The following B3GALT5 variants were observed in gnomAD, a reference collection of about 807,000 sequenced individuals.
B3GALT5 encodes the protein beta-1,3-galactosyltransferase 5.
For missense variants in B3GALT5, 328 were observed against 396.6 expected (o/e 0.83, Z 1.47); for synonymous variants, 156 against 158.6 (o/e 0.98, Z 0.12).
At position 39,667,324 on chromosome 21, in the gene B3GALT5, G is replaced by A. The variant is rs949291777; in HGVS notation, c.*5832G>A. 6.6e-6 allele frequency: 1 copy of A among 152,180 alleles called. No homozygotes were observed. The highest frequency in any genetic ancestry group is 1.5e-5 in the Non-Finnish European group (1 of 68,032). The allele number at this position is 152,180 out of a possible 1,614,324, so 9.4% of individuals were successfully genotyped here. ...TGGCACAGAGGGCTGAAATGGACTTGGAAAGCCAAATAATTAATTTTCATG... is the reference window on the plus strand; with the variant it reads ...TGGCACAGAGGGCTGAAATGGACTTAGAAAGCCAAATAATTAATTTTCATG... On this transcript the variant is annotated 3_prime_UTR_variant, in exon 4 of 4. Coordinates refer to ENST00000684187, the MANE Select transcript of B3GALT5 (RefSeq NM_001356336.2).
In B3GALT5 at chr21:39,618,726, G is replaced by A. The variant is rs139104710; in HGVS notation, c.-392+5659G>A. Among the ~76,000 whole-genome samples the A allele has an allele frequency of 2.4e-3, 372 of 151,880 alleles. 2 individuals are homozygous for A. The highest frequency in any genetic ancestry group is 0.01 in the Middle Eastern group (3 of 290). ...AATATACATTGCAAATATCTACTCC[G>A]TCTGTGTCTTGTATTTTTACATTTT... On this transcript the variant is annotated intron_variant, in intron 1 of 3. Transcript: ENST00000684187.
At chr21:39,617,940 C>A (rs924021913) in intron 1 of B3GALT5, among the ~76,000 whole-genome samples, 2 of 151,756 alleles carry the variant, frequency 1.3e-5, no homozygotes, top group Non-Finnish European at 2.9e-5. Flanking sequence ...GAGTTTGATA[C>A]CAGCCTGGGC....
chr21:39,651,923 A>G (rs1050685506), intron 2 of B3GALT5, among the ~76,000 whole-genome samples: 7 of 152,176 alleles, frequency 4.6e-5, no homozygotes, highest in African/African-American at 1.7e-4. Context: ...GTTTTGTATT[A>G]TACATGTAAA....
rs990445746 is a variant in B3GALT5 at position 39,669,229 on chromosome 21, G to T, written c.*7737G>T. ...ATGTGAAAATCTGAATGAGGTAAAA[G>T]AAGTTGGAGCTGGAAGATGCCTTAG... On this transcript the variant is annotated 3_prime_UTR_variant, in exon 4 of 4. Coordinates refer to ENST00000684187, the MANE Select transcript of B3GALT5 (RefSeq NM_001356336.2). 9.2e-5 allele frequency: 14 copies of T among 152,112 alleles called. No homozygotes were observed. The highest frequency in any genetic ancestry group is 3.4e-4 in the African/African-American group (14 of 41,414). 9.4% of individuals were successfully genotyped at this position (152,112 alleles called of 1,614,324 possible). A position where few individuals can be genotyped will look rare whatever the true frequency, so the allele number is the denominator to read the frequency against.
chr21:39,615,149 C>G (rs2079100966), intron 1 of B3GALT5, among the ~76,000 whole-genome samples: 1 of 152,144 alleles, frequency 6.6e-6, no homozygotes, highest in African/African-American at 2.4e-5. Flanking sequence ...CCAGGTAAGT[C>G]CTTGGACTTG....
chr21:39,627,342 A>G (rs1437409601), intron 1 of B3GALT5, among the ~76,000 whole-genome samples: 2 of 152,192 alleles, frequency 1.3e-5, no homozygotes, highest in Non-Finnish European at 2.9e-5. Flanking sequence ...ATCTTTGCCC[A>G]TGAACTCACT....
intron 1 of B3GALT5, among the ~76,000 whole-genome samples, chr21:39,623,241 C>CCCTTCCTT (rs1182848314): frequency 0.046 from 819 of 17,744 alleles, 90 homozygotes; most frequent in East Asian, 0.11. Context: ...CTCCCTCCCT[C>CCCTTCCTT]CCTTCCTTCC....
chr21:39,614,657 C>G (rs1028746553), intron 1 of B3GALT5, among the ~76,000 whole-genome samples: 1 of 152,194 alleles, frequency 6.6e-6, no homozygotes, highest in East Asian at 1.9e-4. Context: ...GCAGAGGACA[C>G]GAAGGTGTAG....
intron 1 of B3GALT5, among the ~76,000 whole-genome samples, chr21:39,630,913 G>T (rs1275356179): frequency 1.3e-5 from 2 of 152,038 alleles, no homozygotes; most frequent in Non-Finnish European, 2.9e-5. Flanking sequence ...AATAAAAATC[G>T]ATTGGGGGAA....
At position 39,669,218 on chromosome 21, in the gene B3GALT5, A is replaced by G. The variant is rs1186503223; in HGVS notation, c.*7726A>G. ...TAATTCAGAATATGTGAAAATCTGA[A>G]TGAGGTAAAAGAAGTTGGAGCTGGA... On this transcript the variant is annotated 3_prime_UTR_variant, in exon 4 of 4. Transcript: ENST00000684187. The G allele has an allele frequency of 6.6e-6, 1 of 152,218 alleles. No homozygotes were observed. Among genetic ancestry groups the G allele is most frequent in the Non-Finnish European group, 1.5e-5 (1 of 68,042 alleles). The allele number at this position is 152,218 out of a possible 1,614,324, so 9.4% of individuals were successfully genotyped here. A position where few individuals can be genotyped will look rare whatever the true frequency, so the allele number is the denominator to read the frequency against.
rs1196309040 is a variant in B3GALT5 at position 39,666,571 on chromosome 21, G to A, written c.*5079G>A. On this transcript the variant is annotated 3_prime_UTR_variant, in exon 4 of 4. Transcript: ENST00000684187. ...AGCCTCCCAGAGTGCTGGGATTATA[G>A]GTGTGAGCCACCACACCCAGCCATG... The A allele has an allele frequency of 6.6e-6, 1 of 152,270 alleles. No homozygotes were observed. The highest frequency in any genetic ancestry group is 2.4e-5 in the African/African-American group (1 of 41,418). The allele number at this position is 152,270 out of a possible 1,614,324, so 9.4% of individuals were successfully genotyped here.
chr21:39,637,342 C>G (rs776990979), intron 1 of B3GALT5, among the ~76,000 whole-genome samples: 1 of 152,214 alleles, frequency 6.6e-6, no homozygotes, highest in Non-Finnish European at 1.5e-5. Context: ...GATCTGTGTG[C>G]GTTCCCTCTC....
rs2079254599 is a variant in B3GALT5, at chr21:39,639,288, C to CTCGCTCTTTCTTTCTT, written c.-391-7102_-391-7101insGCTCTTTCTTTCTTTC. On this transcript the variant is annotated intron_variant, in intron 1 of 3. Coordinates refer to ENST00000684187, the MANE Select transcript of B3GALT5 (RefSeq NM_001356336.2). The stretch of plus-strand genomic sequence containing the variant: ...CTTGCAAGCAGCTTCAGGCATCTGG[C>CTCGCTCTTTCTTTCTT]TCTTTCTTTCTTTCTTTCTTTCTTT... 6.1e-5 allele frequency among the ~76,000 whole-genome samples: 6 copies of CTCGCTCTTTCTTTCTT among 98,522 alleles called. No individual in the cohort carries two copies. In the East Asian group the frequency reaches 1.4e-3, roughly 23 times the overall value. The allele number at this position is 98,522 out of a possible 152,430, so 64.6% of individuals were successfully genotyped here.
intron 1 of B3GALT5, among the ~76,000 whole-genome samples, chr21:39,638,966 G>A (rs577757093): frequency 6.3e-4 from 96 of 152,218 alleles, no homozygotes; most frequent in Non-Finnish European, 9.1e-4. Flanking sequence ...ATTGCATGCT[G>A]ACTGAAGCCA....
rs1209741303 is a variant in B3GALT5 at position 39,671,816 on chromosome 21, CT to C, written c.*10325del. The C allele has an allele frequency of 1.3e-5, 2 of 152,294 alleles. No individual in the cohort carries two copies. Among genetic ancestry groups the C allele is most frequent in the African/African-American group, 4.8e-5 (2 of 41,558 alleles). 9.4% of individuals were successfully genotyped at this position (152,294 alleles called of 1,614,324 possible). On this transcript the variant is annotated 3_prime_UTR_variant, in exon 4 of 4. Coordinates refer to ENST00000684187, the MANE Select transcript of B3GALT5 (RefSeq NM_001356336.2). ...GCATGAATTTCTGTCTGTTTTCCTG[CT>C]GTTGAAATCTGAGTGCTAGGAACGG... is the stretch of plus-strand genomic sequence containing the variant.
chr21:39,661,489 C>G lies in B3GALT5; in HGVS notation c.930C>G (p.Val310=). ...ENSRGEDCPP[V] ...CCCGGGGGGAAGATTGTCCGCCTGTCTGAGGGGAGCCCAGAGGCACATCCG... is the reference window on the plus strand; with the variant it reads ...CCCGGGGGGAAGATTGTCCGCCTGTGTGAGGGGAGCCCAGAGGCACATCCG... Residue 310 remains valine, a synonymous_variant, in exon 4 of 4, where the codon GTC becomes GTG. Transcript: ENST00000684187. This position sits in a 1 kb window ranked among gnomAD's most constrained non-coding sequence, Gnocchi z 4.7. 6.6e-7 allele frequency: 1 copy of G among 1,505,756 alleles called. No individual in the cohort carries two copies. Among genetic ancestry groups the G allele is most frequent in the South Asian group, 1.4e-5 (1 of 71,596 alleles). 93.3% of individuals were successfully genotyped at this position (1,505,756 alleles called of 1,614,324 possible). A position where few individuals can be genotyped will look rare whatever the true frequency, so the allele number is the denominator to read the frequency against.
Position 39,671,455 on chromosome 21 carries a change from T to C in B3GALT5, c.*9963T>C, listed in dbSNP as rs1216873301. 6.6e-6 allele frequency: 1 copy of C among 152,116 alleles called. No individual in the cohort carries two copies. The highest frequency in any genetic ancestry group is 2.4e-5 in the African/African-American group (1 of 41,430). The allele number at this position is 152,116 out of a possible 1,614,324, so 9.4% of individuals were successfully genotyped here. A position where few individuals can be genotyped will look rare whatever the true frequency, so the allele number is the denominator to read the frequency against. ...GAGTAGATACTTGATAATTATCTAT[T>C]GGGTTCTCAGGGGATCTCTCAAAGG... On this transcript the variant is annotated 3_prime_UTR_variant, in exon 4 of 4. Coordinates refer to ENST00000684187, the MANE Select transcript of B3GALT5 (RefSeq NM_001356336.2).
chr21:39,627,528 A>T (rs1423816151), intron 1 of B3GALT5, among the ~76,000 whole-genome samples: 2 of 152,052 alleles, frequency 1.3e-5, no homozygotes, highest in African/African-American at 4.8e-5. Context: ...GGTTTTGCTC[A>T]TGTATTCAGT....
At chr21:39,627,209 T>C (rs192531960) in intron 1 of B3GALT5, among the ~76,000 whole-genome samples, 9 of 152,332 alleles carry the variant, frequency 5.9e-5, no homozygotes, top group African/African-American at 2.2e-4. Context: ...CTGACACTGG[T>C]GACTATCCTT....
Sources: gnomAD v4.1 joint callset for allele counts (sites outside exome capture counted in the v4.1 genomes callset) on GRCh38, gnomAD v4.1.1 for gene constraint, Gnocchi (gnomAD v3.1) non-coding constraint, MANE v1.5 for transcripts, NCBI Gene and HGNC (gene_info 2026-07-23, HGNC 2026-07-21) for gene names.